The following SLAIN2 variants were observed in gnomAD, a reference collection of about 807,000 sequenced individuals.
The protein encoded by SLAIN2 is SLAIN motif-containing protein 2.
A neutral mutation model predicts 56.6 loss-of-function variants in SLAIN2; 31 were observed. The observed-to-expected ratio is 0.55, with a 90% CI of 0.41 to 0.74. The LOEUF is 0.74. Among genes scored for constraint, SLAIN2 ranks in the 30% least tolerant of loss-of-function variants. SLAIN2 has a pLI of 0.00. For synonymous variants in SLAIN2, 317 were observed against 284.9 expected (o/e 1.11, Z -1.13); for missense variants, 777 against 754.2 (o/e 1.03, Z -0.35).
intron 6 of SLAIN2, among the ~76,000 whole-genome samples, chr4:48,411,821 A>G (rs1025508949): frequency 1.9e-4 from 29 of 152,238 alleles, no homozygotes; most frequent in African/African-American, 7.0e-4. Flanking sequence ...GGACATTGAG[A>G]TATTCCTCTG....
In SLAIN2 at chr4:48,422,211, T is replaced by TAA. The variant is rs1577744415; in HGVS notation, c.*135_*136insAA. The TAA allele has an allele frequency of 2.7e-5, 18 of 662,324 alleles. No individual in the cohort carries two copies. In the East Asian group the frequency reaches 5.0e-4, roughly 18 times the overall value. 41.0% of individuals were successfully genotyped at this position (662,324 alleles called of 1,614,324 possible). On this transcript the variant is annotated 3_prime_UTR_variant, in exon 8 of 8. Coordinates refer to ENST00000264313, the MANE Select transcript of SLAIN2 (RefSeq NM_020846.2). ...AAATCCCAGCCCTCTCTGTCTTAAT[T>TAA]AGCACAAACCGACAGAGATCATCAA...
At chr4:48,371,086 T>G (rs1715650521) in intron 2 of SLAIN2, among the ~76,000 whole-genome samples, 1 of 150,712 alleles carries the variant, frequency 6.6e-6, no homozygotes, top group Non-Finnish European at 1.5e-5. Flanking sequence ...GCCCTTTTGT[T>G]TTTGTTTTTT....
At chr4:48,389,311 A>G (rs1183605878) in intron 6 of SLAIN2, among the ~76,000 whole-genome samples, 1 of 152,224 alleles carries the variant, frequency 6.6e-6, no homozygotes, top group Admixed American at 6.5e-5. Context: ...TTTTAGAAGC[A>G]TCTCAGTTGA....
intron 1 of SLAIN2, among the ~76,000 whole-genome samples, chr4:48,347,898 G>A (rs1000090387): frequency 2.0e-5 from 3 of 152,146 alleles, no homozygotes; most frequent in Non-Finnish European, 2.9e-5. Flanking sequence ...ATTTCATTTA[G>A]CATTATGTTT....
In SLAIN2 at chr4:48,420,363, A is replaced by C; in HGVS notation, c.1599A>C (p.Arg533Ser). The change falls in exon 7 of 8, where the codon AGA (arginine) becomes AGC (serine). Residue 533 changes from arginine (R) to serine (S), a missense_variant. Physicochemically the swap from Arg to Ser is moderately radical, Grantham distance 110. Transcript: ENST00000264313. ...GACCTGCAGGGACAACTGCAATGAG[A>C]AGTGGCTTGCCCAGACCCAGTGCCC... ...LTRPAGTTAM[R>S]SGLPRPSAPS... 1 of 1,614,028 alleles carries C rather than the reference A, an allele frequency of 6.2e-7. No homozygotes were observed. The highest frequency in any genetic ancestry group is 8.5e-7 in the Non-Finnish European group (1 of 1,179,878).
Position 48,373,746 on chromosome 4 carries a change from A to G in SLAIN2, c.538+3749A>G, listed in dbSNP as rs1325279114. On this transcript the variant is annotated intron_variant, in intron 2 of 7. Coordinates refer to ENST00000264313, the MANE Select transcript of SLAIN2 (RefSeq NM_020846.2). ...AGATTCAGAACAACTTAAGTGTGCT[A>G]AGAAAGAGATGTGGCCGGGCGCAGT... Among the ~76,000 whole-genome samples, 7 of 152,306 alleles carry G rather than the reference A, an allele frequency of 4.6e-5. No individual in the cohort carries two copies. The East Asian group carries it at 1.2e-3, about 25-fold the overall frequency.
rs890110228 is a variant in SLAIN2 at position 48,422,866 on chromosome 4, C to A, written c.*789C>A. On this transcript the variant is annotated 3_prime_UTR_variant, in exon 8 of 8. Coordinates refer to ENST00000264313, the MANE Select transcript of SLAIN2 (RefSeq NM_020846.2). The stretch of plus-strand genomic sequence containing the variant: ...TTTCTGAACTTTATAGTTCCTGGCT[C>A]AGGAAAGATGGCCTTTGCTATTGAA... 6.6e-6 allele frequency: 1 copy of A among 152,170 alleles called. No homozygotes were observed. Among genetic ancestry groups the A allele is most frequent in the Non-Finnish European group, 1.5e-5 (1 of 68,018 alleles). 9.4% of individuals were successfully genotyped at this position (152,170 alleles called of 1,614,324 possible).
intron 6 of SLAIN2, among the ~76,000 whole-genome samples, chr4:48,414,692 A>G (rs556923373): frequency 1.0e-4 from 11 of 109,302 alleles, no homozygotes; most frequent in East Asian, 2.9e-4. Flanking sequence ...ATATCTCCCA[A>G]TGCTATCCCT....
intron 1 of SLAIN2, among the ~76,000 whole-genome samples, chr4:48,362,462 A>G (rs942736860): frequency 7.5e-6 from 1 of 132,812 alleles, no homozygotes; most frequent in Non-Finnish European, 1.6e-5. Context: ...TCTGTCGCCC[A>G]GGGTGGAGTG....
At chr4:48,384,436 T>G (rs1716050123) in intron 6 of SLAIN2, among the ~76,000 whole-genome samples, 1 of 152,224 alleles carries the variant, frequency 6.6e-6, no homozygotes, top group African/African-American at 2.4e-5. Context: ...TGAATCAATA[T>G]GTATGCCAAA....
intron 6 of SLAIN2, 147 bp from the exon 7 acceptor site, chr4:48,419,977 GC>G (rs1267593731): frequency 5.3e-6 from 4 of 760,438 alleles, no homozygotes; most frequent in Non-Finnish European, 8.4e-6. Flanking sequence ...TCTTTTAGTA[GC>G]CCAGGAATAG....
chr4:48,421,843 CAG>C (rs1717163388), intron 7 of SLAIN2, among the ~76,000 whole-genome samples, 166 bp from the exon 8 acceptor site: 1 of 151,662 alleles, frequency 6.6e-6, no homozygotes, highest in Admixed American at 6.6e-5. Flanking sequence ...TGTGAAAATG[CAG>C]AGTGTGGGGA....
At position 48,396,951 on chromosome 4, in the gene SLAIN2, T is replaced by C. The variant is rs376123590; in HGVS notation, c.1360+13167T>C. On this transcript the variant is annotated intron_variant, in intron 6 of 7. Transcript: ENST00000264313. ...TCATGCTACTAAAGTCAAAAAAGGATGGACACGTTCTTCTTTGCATTTTCT... is the reference window on the plus strand; with the variant it reads ...TCATGCTACTAAAGTCAAAAAAGGACGGACACGTTCTTCTTTGCATTTTCT... 2.5e-3 allele frequency among the ~76,000 whole-genome samples: 378 copies of C among 152,318 alleles called. 7 individuals are homozygous for C. The highest frequency in any genetic ancestry group is 0.014 in the Middle Eastern group (4 of 294).
chr4:48,419,951 TCA>T (rs1491392498), intron 6 of SLAIN2, among the ~76,000 whole-genome samples, 172 bp from the exon 7 acceptor site: 1 of 152,226 alleles, frequency 6.6e-6, no homozygotes, highest in African/African-American at 2.4e-5. Flanking sequence ...CATTTAGAAC[TCA>T]CAGTTACTTT....
chr4:48,352,025 G>A (rs1179136896), intron 1 of SLAIN2, among the ~76,000 whole-genome samples: 1 of 152,168 alleles, frequency 6.6e-6, no homozygotes, highest in Non-Finnish European at 1.5e-5. Context: ...GTTTGTTAGG[G>A]AACAAGTGAG....
At chr4:48,378,107 A>T in intron 3 of SLAIN2, 47 bp downstream of exon 3, 1 of 1,555,528 alleles carries the variant, frequency 6.4e-7, no homozygotes, top group Non-Finnish European at 8.8e-7. Flanking sequence ...TTTTTAGCTT[A>T]CTGCACTGTA....
chr4:48,411,617 CT>C (rs1359236273), intron 6 of SLAIN2, among the ~76,000 whole-genome samples: 2 of 145,354 alleles, frequency 1.4e-5, no homozygotes, highest in East Asian at 4.0e-4. Context: ...TTTTTTTTTC[CT>C]TAGCATGAAG....
At chr4:48,413,347 G>T (rs1350516021) in intron 6 of SLAIN2, among the ~76,000 whole-genome samples, 1 of 152,136 alleles carries the variant, frequency 6.6e-6, no homozygotes, top group Non-Finnish European at 1.5e-5. Flanking sequence ...ACGACATCCT[G>T]ACTTTCCTAT....
chr4:48,358,859 T>G (rs1715240080), intron 1 of SLAIN2, among the ~76,000 whole-genome samples: 1 of 152,064 alleles, frequency 6.6e-6, no homozygotes, highest in South Asian at 2.1e-4. Context: ...TAGCTGGGAT[T>G]ACAGGCTCCC....
Sources: allele counts gnomAD v4.1 joint callset (sites outside exome capture counted in the v4.1 genomes callset), GRCh38; gene constraint gnomAD v4.1.1; transcripts MANE v1.5; gene names NCBI Gene and HGNC (gene_info 2026-07-23, HGNC 2026-07-21).